PCLO: variants seen among roughly 807,000 people sequenced by gnomAD.
PCLO encodes the protein piccolo presynaptic cytomatrix protein.
PCLO carries 82 observed loss-of-function variants against 427.5 expected under a neutral mutation model. The ratio of observed to expected loss-of-function variants is 0.19; its 90% confidence interval spans 0.16 to 0.23. The LOEUF is 0.23. PCLO is among the 10% of genes least tolerant of loss of function. The pLI is 1.00. For missense variants in PCLO, 6,239 were observed against 6,115.9 expected, an observed-to-expected ratio of 1.02 and a Z score of -0.67; for synonymous variants, 2,357 against 2,155.4, an observed-to-expected ratio of 1.09 and a Z score of -2.59.
rs781121164 is a variant in PCLO at position 82,954,649 on chromosome 7, G to C, written c.6304C>G (p.Pro2102Ala). 33 of 1,613,788 alleles carry C rather than the reference G, an allele frequency of 2.0e-5. No individual in the cohort carries two copies. The highest frequency in any genetic ancestry group is 2.7e-5 in the Non-Finnish European group (32 of 1,179,862). Reference sequence around the variant, plus strand: ...ACACTTGATGTCAAAGAGGCATCTGGCATTCTGTCAAAGTCCATGGTGGAC... The same window carrying C: ...ACACTTGATGTCAAAGAGGCATCTGCCATTCTGTCAAAGTCCATGGTGGAC... The part of the protein sequence containing the change: ...TESTMDFDRM[P>A]DASLTSSVLS... Residue 2102 changes from proline (P) to alanine (A), a missense_variant, in exon 5 of 25, where the codon CCA becomes GCA. Pro to Ala is a conservative substitution (Grantham distance 27). Around this residue, in one of 5 missense-constraint regions of PCLO, gnomAD observed 4,677 missense variants for 4,468.4 expected, o/e 1.05. Coordinates refer to ENST00000333891, the MANE Select transcript of PCLO (RefSeq NM_033026.6).
intron 3 of PCLO, among the ~76,000 whole-genome samples, chr7:83,044,946 T>C (rs1789068859): frequency 6.6e-6 from 1 of 152,148 alleles, no homozygotes; most frequent in Admixed American, 6.6e-5. Flanking sequence ...AATAATGATA[T>C]AATAAAGTCA....
intron 3 of PCLO, among the ~76,000 whole-genome samples, chr7:83,008,982 T>C (rs1200683545): frequency 1.3e-5 from 2 of 151,548 alleles, no homozygotes; most frequent in African/African-American, 2.4e-5. Context: ...GACATTTATA[T>C]AAAGGCCAAA....
chr7:82,941,587 C>T (rs1009874074), intron 6 of PCLO, among the ~76,000 whole-genome samples: 1 of 151,980 alleles, frequency 6.6e-6, no homozygotes, highest in Non-Finnish European at 1.5e-5. Flanking sequence ...TGGATCACAA[C>T]CAAGCAACTG....
intron 3 of PCLO, among the ~76,000 whole-genome samples, chr7:83,065,238 T>C (rs985368687): frequency 6.6e-6 from 1 of 151,996 alleles, no homozygotes; most frequent in Non-Finnish European, 1.5e-5. Flanking sequence ...ATTTGCTCTT[T>C]TAAAATTCTT....
chr7:83,035,199 A>G (rs865938182), intron 3 of PCLO, among the ~76,000 whole-genome samples: 20 of 152,272 alleles, frequency 1.3e-4, no homozygotes, highest in Non-Finnish European at 5.9e-5. Context: ...ATTGGTTCCA[A>G]TAACCTGGCT....
At chr7:83,026,356 G>A (rs1355214220) in intron 3 of PCLO, among the ~76,000 whole-genome samples, 2 of 151,918 alleles carry the variant, frequency 1.3e-5, no homozygotes, top group Non-Finnish European at 1.5e-5. Flanking sequence ...AAGAGACAAA[G>A]AAGGCCATTA....
intron 7 of PCLO, among the ~76,000 whole-genome samples, chr7:82,912,952 T>C (rs1163524234): frequency 2.0e-5 from 3 of 152,030 alleles, no homozygotes; most frequent in Non-Finnish European, 4.4e-5. Context: ...TTTTGTTATT[T>C]TATAGACATG....
intron 6 of PCLO, among the ~76,000 whole-genome samples, chr7:82,937,983 A>C (rs1794996506): frequency 6.6e-6 from 1 of 151,900 alleles, no homozygotes; most frequent in Non-Finnish European, 1.5e-5. Flanking sequence ...GAGCCCAACC[A>C]ACAAACTTAT....
chr7:82,793,495 G>A (rs1339027691), intron 22 of PCLO, among the ~76,000 whole-genome samples: 3 of 152,178 alleles, frequency 2.0e-5, no homozygotes, highest in South Asian at 2.1e-4. Context: ...GGAGACAAAC[G>A]CCATTCGAAA....
At chr7:82,813,870 TAAG>T (rs967405461) in intron 20 of PCLO, among the ~76,000 whole-genome samples, 12 of 152,002 alleles carry the variant, frequency 7.9e-5, no homozygotes, top group African/African-American at 1.7e-4. Flanking sequence ...AAGTATTTCG[TAAG>T]AAGCTTTCCA....
chr7:82,952,571 T>G lies in PCLO; in HGVS notation c.8382A>C (p.Thr2794=). ...IVTPVSLATE[T]VTFVTCTASA... ...TAGCTGTGCATGTGACAAAGGTCAC[T>G]GTCTCAGTGGCCAGAGATACAGGAG... The change falls in exon 5 of 25, where the codon ACA becomes ACC. Residue 2794 remains threonine, a synonymous_variant. Transcript: ENST00000333891. The G allele has an allele frequency of 6.2e-7, 1 of 1,613,966 alleles. No homozygotes were observed. Among genetic ancestry groups the G allele is most frequent in the Non-Finnish European group, 8.5e-7 (1 of 1,179,854 alleles).
rs777175772 is a variant in PCLO at position 82,949,754 on chromosome 7, G to A, written c.10834C>T (p.Leu3612=). The A allele has an allele frequency of 6.2e-7, 1 of 1,613,844 alleles. No homozygotes were observed. The change falls in exon 6 of 25, where the codon CTG becomes TTG. Residue 3612 remains leucine (L), a synonymous_variant. Transcript: ENST00000333891. ...GGGGATTTGGGTGGGGAAGGAGCCA[G>A]CTGTACTGTGGAATCTGCCCGGAGG... ...SHLRADSTVQ[L]APSPPKSPKV...
intron 2 of PCLO, among the ~76,000 whole-genome samples, chr7:83,136,258 G>GA (rs1350410722): frequency 6.6e-6 from 1 of 151,960 alleles, no homozygotes; most frequent in Non-Finnish European, 1.5e-5. Flanking sequence ...CCCAGAAATA[G>GA]AAAACCATGT....
chr7:82,994,577 TA>T (rs1258439380), intron 3 of PCLO, among the ~76,000 whole-genome samples: 1 of 150,042 alleles, frequency 6.7e-6, no homozygotes, highest in Admixed American at 6.7e-5. Context: ...ATAATTATTT[TA>T]TTTTTTATAT....
chr7:82,770,855 C>T lies in PCLO; in HGVS notation c.15008-9362G>A, dbSNP rs563624464. Among the ~76,000 whole-genome samples, 5 of 151,834 alleles carry T rather than the reference C, an allele frequency of 3.3e-5. No individual in the cohort carries two copies. The South Asian group carries it at 1.0e-3, about 32-fold the overall frequency. ...AAAACAATTCTGATAATCTTATTTG[C>T]ATTGAATTTTATCTTCTGGTATATC... is the stretch of plus-strand genomic sequence containing the variant. On this transcript the variant is annotated intron_variant, in intron 22 of 24. Transcript: ENST00000333891.
rs892082846 is a variant in PCLO at position 82,756,383 on chromosome 7, G to A, written c.*2192C>T. The A allele has an allele frequency of 1.3e-5, 2 of 152,002 alleles. No homozygotes were observed. The highest frequency in any genetic ancestry group is 2.9e-5 in the Non-Finnish European group (2 of 67,990). The allele number at this position is 152,002 out of a possible 1,614,324, so 9.4% of individuals were successfully genotyped here. On this transcript the variant is annotated 3_prime_UTR_variant, in exon 25 of 25. Coordinates refer to ENST00000333891, the MANE Select transcript of PCLO (RefSeq NM_033026.6). ...AAAAATAAAATACTAGCAATATAAT[G>A]TCTTTGATGATTCCACTCTCCCATG...
intron 1 of PCLO, 70 bp from the exon 2 acceptor site, chr7:83,156,462 C>T (rs1049160233): frequency 1.5e-5 from 15 of 993,678 alleles, no homozygotes; most frequent in Non-Finnish European, 2.1e-5. Context: ...CAAAGTAATA[C>T]AAAAAACCTA....
chr7:83,094,596 C>T (rs779275308), intron 3 of PCLO, among the ~76,000 whole-genome samples: 111 of 152,272 alleles, frequency 7.3e-4, no homozygotes, highest in Middle Eastern at 3.4e-3. Context: ...GAGTATTCCA[C>T]GGTATGGATG....
intron 1 of PCLO, among the ~76,000 whole-genome samples, chr7:83,156,677 A>T (rs1792310815): frequency 6.6e-6 from 1 of 151,770 alleles, no homozygotes; most frequent in African/African-American, 2.4e-5. Flanking sequence ...TTATAATAAA[A>T]GTAATTTACC....
Sources: gnomAD v4.1 joint callset for allele counts (sites outside exome capture counted in the v4.1 genomes callset) on GRCh38, gnomAD v4.1.1 for gene constraint, gnomAD v4.1.1 regional missense constraint, MANE v1.5 for transcripts, NCBI Gene and HGNC (gene_info 2026-07-23, HGNC 2026-07-21) for gene names.